The following TSPAN9 variants were observed in gnomAD, a reference collection of about 807,000 sequenced individuals.
TSPAN9 encodes tetraspanin 9, also known as tetraspanin-9.
In TSPAN9, 16 loss-of-function variants were observed where a neutral mutation model predicts 31.0. That is an observed-to-expected ratio of 0.52 (90% CI 0.35 to 0.78). The LOEUF (loss-of-function observed/expected upper bound fraction) is 0.78. TSPAN9 is among the 30% of genes least tolerant of loss of function. The pLI is 0.01. For synonymous variants in TSPAN9, 145 were observed against 121.6 expected (o/e 1.19, Z -1.27); for missense variants, 272 against 312.5 (o/e 0.87, Z 0.98).
chr12:3,184,196 G>A (rs1057168669), intron 2 of TSPAN9, among the ~76,000 whole-genome samples: 6 of 152,092 alleles, frequency 3.9e-5, no homozygotes, highest in African/African-American at 1.4e-4. Flanking sequence ...TCAGGAGTTT[G>A]AGACCAGTCT....
chr12:3,094,864 T>C (rs1178408664), intron 2 of TSPAN9, among the ~76,000 whole-genome samples: 2 of 109,354 alleles, frequency 1.8e-5, no homozygotes, highest in South Asian at 5.3e-4. Context: ...TTTTTTTTTT[T>C]TTTTTGTTTT....
chr12:3,170,391 A>G lies in TSPAN9; in HGVS notation c.-17-30786A>G, dbSNP rs1402462390. On this transcript the variant is annotated intron_variant, in intron 2 of 8. Transcript: ENST00000011898. This position sits in a 1 kb window ranked among gnomAD's most constrained non-coding sequence, Gnocchi z 4.4. ...CTACGGCTAGCTTGCTCCAGATAGC[A>G]TGTAGCATAGGATTCCACATGTAAT... Among the ~76,000 whole-genome samples, 4 of 152,260 alleles carry G rather than the reference A, an allele frequency of 2.6e-5. No homozygotes were observed. The highest frequency in any genetic ancestry group is 5.9e-5 in the Non-Finnish European group (4 of 68,046).
intron 2 of TSPAN9, among the ~76,000 whole-genome samples, chr12:3,128,553 G>T (rs966065683): frequency 6.6e-6 from 1 of 152,116 alleles, no homozygotes; most frequent in East Asian, 1.9e-4. Context: ...GTGAGACCCT[G>T]TCTCAACCCC....
chr12:3,144,523 C>A (rs953256086), intron 2 of TSPAN9, among the ~76,000 whole-genome samples: 8 of 152,172 alleles, frequency 5.3e-5, no homozygotes, highest in South Asian at 2.1e-4. Flanking sequence ...AGAAAGAGGC[C>A]AGGAAGGATC....
chr12:3,215,664 C>T (rs2098381010), intron 3 of TSPAN9, among the ~76,000 whole-genome samples: 1 of 152,228 alleles, frequency 6.6e-6, no homozygotes, highest in Admixed American at 6.5e-5. Flanking sequence ...TGAGGCACCC[C>T]AGCGTCTGAC....
At chr12:3,162,913 G>A (rs2098346199) in intron 2 of TSPAN9, among the ~76,000 whole-genome samples, 1 of 152,186 alleles carries the variant, frequency 6.6e-6, no homozygotes, top group South Asian at 2.1e-4. Context: ...GAGTGTCAAG[G>A]TAGGGGCAGC....
intron 1 of TSPAN9, among the ~76,000 whole-genome samples, chr12:3,081,808 TTGTGTGTGTG>T (rs985080707): frequency 1.7e-5 from 1 of 58,412 alleles, no homozygotes; most frequent in African/African-American, 6.3e-5. Flanking sequence ...ATCTAAAAAA[TTGTGTGTGTG>T]TGTGTGTGTG....
In TSPAN9 at chr12:3,094,867, T is replaced by G. The variant is rs1237693551; in HGVS notation, c.-18+11148T>G. Among the ~76,000 whole-genome samples, 593 of 104,928 alleles carry G rather than the reference T, an allele frequency of 5.7e-3. 1 individual carries two copies. The highest frequency in any genetic ancestry group is 0.017 in the African/African-American group (545 of 32,130). The allele number at this position is 104,928 out of a possible 152,430, so 68.8% of individuals were successfully genotyped here. ...ATAATCTTTTTTTTTTTTTTTTTTTTTTGTTTTTAAATTTATTTTTTTATT... is the reference window on the plus strand; with the variant it reads ...ATAATCTTTTTTTTTTTTTTTTTTTGTTGTTTTTAAATTTATTTTTTTATT... On this transcript the variant is annotated intron_variant, in intron 2 of 8. Transcript: ENST00000011898.
At chr12:3,089,347 A>G (rs1419246635) in intron 2 of TSPAN9, among the ~76,000 whole-genome samples, 2 of 132,942 alleles carry the variant, frequency 1.5e-5, no homozygotes, top group Admixed American at 1.6e-4. Flanking sequence ...CCCAGGCTGG[A>G]GTGCAGTGGC....
chr12:3,163,024 A>G (rs527840737), intron 2 of TSPAN9, among the ~76,000 whole-genome samples: 17 of 152,032 alleles, frequency 1.1e-4, no homozygotes, highest in Admixed American at 9.2e-4. Flanking sequence ...TAGGGCCCCA[A>G]CTCTCTTCTC....
At chr12:3,120,834 C>T (rs1310690413) in intron 2 of TSPAN9, among the ~76,000 whole-genome samples, 2 of 152,248 alleles carry the variant, frequency 1.3e-5, no homozygotes, top group South Asian at 2.1e-4. Flanking sequence ...AAAAGATGTA[C>T]ACACAGCACT....
chr12:3,223,429 C>A (rs1308316942), intron 3 of TSPAN9, among the ~76,000 whole-genome samples: 5 of 152,154 alleles, frequency 3.3e-5, no homozygotes, highest in Non-Finnish European at 7.3e-5. Flanking sequence ...GGGACAGGGA[C>A]CTCGTTTGTT....
rs61154605 is a variant in TSPAN9 at position 3,094,847 on chromosome 12, CTT to C, written c.-18+11149_-18+11150del. Among the ~76,000 whole-genome samples the C allele has an allele frequency of 9.6e-3, 975 of 101,916 alleles. 4 individuals carry two copies. The highest frequency in any genetic ancestry group is 0.036 in the African/African-American group (864 of 23,822). 66.9% of individuals were successfully genotyped at this position (101,916 alleles called of 152,430 possible). On this transcript the variant is annotated intron_variant, in intron 2 of 8. Transcript: ENST00000011898. ...AACACGCCCGGCAAAAATCAATAAT[CTT>C]TTTTTTTTTTTTTTTTTTTTGTTTT...
chr12:3,109,893 G>A (rs1255611241), intron 2 of TSPAN9, among the ~76,000 whole-genome samples: 1 of 151,972 alleles, frequency 6.6e-6, no homozygotes. Context: ...AGAGACTGTA[G>A]GTAAAAGGAC....
At chr12:3,260,654 A>G (rs1591710967) in intron 3 of TSPAN9, among the ~76,000 whole-genome samples, 1 of 152,254 alleles carries the variant, frequency 6.6e-6, no homozygotes, top group Non-Finnish European at 1.5e-5. Context: ...GGCAAGTCCA[A>G]CAGCAGTGAA....
chr12:3,175,798 G>A (rs1483031717), intron 2 of TSPAN9, among the ~76,000 whole-genome samples: 1 of 152,146 alleles, frequency 6.6e-6, no homozygotes, highest in East Asian at 1.9e-4. Context: ...CACTGCAGCC[G>A]AGTTGCTTTA....
At chr12:3,275,641 C>T (rs1862769580) in intron 3 of TSPAN9, among the ~76,000 whole-genome samples, 3 of 152,368 alleles carry the variant, frequency 2.0e-5, no homozygotes, top group Non-Finnish European at 2.9e-5. Flanking sequence ...TGGCCGTAGG[C>T]GGGGCTAGCC....
intron 3 of TSPAN9, among the ~76,000 whole-genome samples, chr12:3,210,194 G>A (rs1376902481): frequency 6.6e-6 from 1 of 151,900 alleles, no homozygotes; most frequent in Non-Finnish European, 1.5e-5. Flanking sequence ...ACCACACCTT[G>A]AGGAGCACTG....
At chr12:3,091,328 C>T (rs12819603) in intron 2 of TSPAN9, among the ~76,000 whole-genome samples, 38,338 of 152,234 alleles carry the variant, frequency 0.25, 5,189 homozygotes, top group Middle Eastern at 0.35. Flanking sequence ...ACAATGGACT[C>T]GACACCGTGA....
Sources: allele counts gnomAD v4.1 joint callset (sites outside exome capture counted in the v4.1 genomes callset), GRCh38; gene constraint gnomAD v4.1.1; non-coding constraint Gnocchi (gnomAD v3.1); transcripts MANE v1.5; gene names NCBI Gene and HGNC (gene_info 2026-07-23, HGNC 2026-07-21).